The following MAP4K4 variants were observed in gnomAD, a reference collection of about 807,000 sequenced individuals.
MAP4K4 encodes the protein HPK/GCK-like kinase HGK.
MAP4K4 carries 38 observed loss-of-function variants against 189.6 expected under a neutral mutation model. The ratio of observed to expected loss-of-function variants is 0.20; its 90% confidence interval spans 0.15 to 0.26. MAP4K4 has a LOEUF of 0.26. Among genes scored for constraint, MAP4K4 ranks in the 10% least tolerant of loss-of-function variants. The pLI, the probability that MAP4K4 is intolerant of heterozygous loss-of-function variation, is 1.00. For synonymous variants in MAP4K4, 610 were observed against 624.3 expected (o/e 0.98, Z 0.34); for missense variants, 1,054 against 1,726.9 (o/e 0.61, Z 6.91).
chr2:101,831,366 T>A (rs952248368), intron 6 of MAP4K4, among the ~76,000 whole-genome samples: 3 of 152,242 alleles, frequency 2.0e-5, no homozygotes, highest in Non-Finnish European at 4.4e-5. Context: ...TCAGTTCTCC[T>A]GAACCTGGGG....
intron 2 of MAP4K4, among the ~76,000 whole-genome samples, chr2:101,719,840 C>T (rs990339015): frequency 7.9e-5 from 12 of 151,894 alleles, no homozygotes; most frequent in South Asian, 2.1e-4. Flanking sequence ...GGTGAAACCC[C>T]GTCTCTACTA....
chr2:101,790,320 T>C (rs965002201), intron 2 of MAP4K4, among the ~76,000 whole-genome samples: 3 of 151,964 alleles, frequency 2.0e-5, no homozygotes, highest in African/African-American at 7.2e-5. Flanking sequence ...CCAACATGAT[T>C]TGTAGAAAAA....
At chr2:101,882,492 AT>A (rs761588289) in intron 27 of MAP4K4, 58 bp from the exon 28 acceptor site, 15 of 1,325,884 alleles carry the variant, frequency 1.1e-5, no homozygotes, top group Non-Finnish European at 1.5e-5. Context: ...TACTATTGTT[AT>A]TAATGATGAG....
intron 16 of MAP4K4, 79 bp downstream of exon 16, chr2:101,861,065 A>G: frequency 1.5e-6 from 2 of 1,341,726 alleles, no homozygotes; most frequent in Non-Finnish European, 2.0e-6. Context: ...GTAATATCAC[A>G]GTTTAGTTTG....
At chr2:101,847,854 C>T (rs141434994) in intron 12 of MAP4K4, among the ~76,000 whole-genome samples, 4 of 152,310 alleles carry the variant, frequency 2.6e-5, no homozygotes, top group African/African-American at 7.2e-5. Flanking sequence ...CACTCACTGA[C>T]TCACCCAGAG....
intron 4 of MAP4K4, 79 bp downstream of exon 4, chr2:101,824,132 G>GGGGGGGGA: frequency 1.8e-5 from 1 of 56,768 alleles, no homozygotes. Flanking sequence ...GGGGGCGGGG[G>GGGGGGGGA]AAAGAGGGGG....
chr2:101,743,304 G>T (rs534182698), intron 2 of MAP4K4, among the ~76,000 whole-genome samples: 5 of 152,178 alleles, frequency 3.3e-5, no homozygotes, highest in Admixed American at 2.6e-4. Flanking sequence ...TTTACATTTG[G>T]TAAGCAATAT....
chr2:101,764,086 C>T (rs1055723781), intron 2 of MAP4K4, among the ~76,000 whole-genome samples: 27 of 151,802 alleles, frequency 1.8e-4, no homozygotes, highest in Non-Finnish European at 7.4e-5. Flanking sequence ...TTGGTGTTCC[C>T]TAAGGAGGGT....
chr2:101,867,946 T>G (rs2097863164), intron 20 of MAP4K4, 83 bp from the exon 21 acceptor site: 8 of 1,384,592 alleles, frequency 5.8e-6, no homozygotes, highest in Non-Finnish European at 8.2e-6. Context: ...CCCTCTCCCC[T>G]TCTTTCTCCC....
In MAP4K4 at chr2:101,698,170, C is replaced by CA. The variant is rs774723421; in HGVS notation, c.57+33_57+34insA. 23 of 1,077,114 alleles carry CA rather than the reference C, an allele frequency of 2.1e-5. No homozygotes were observed. In the East Asian group the frequency reaches 1.7e-3, roughly 80 times the overall value. The allele number at this position is 1,077,114 out of a possible 1,614,324, so 66.7% of individuals were successfully genotyped here. On this transcript the variant is annotated intron_variant, in intron 1 of 32. Coordinates refer to ENST00000324219, the Ensembl canonical transcript of MAP4K4. ...GGCCCGCGAGCGGGCGCGCGGGGAG[C>CA]GGGCAGCCGGCAGCCGGCAGCCGGG...
At chr2:101,884,690 C>A (rs903568729) in intron 28 of MAP4K4, among the ~76,000 whole-genome samples, 9 of 152,142 alleles carry the variant, frequency 5.9e-5, no homozygotes, top group Non-Finnish European at 8.8e-5. Context: ...CTTAGTGATA[C>A]TTGGACTTGT....
At chr2:101,854,232 G>A (rs1379773726) in intron 12 of MAP4K4, among the ~76,000 whole-genome samples, 1 of 152,170 alleles carries the variant, frequency 6.6e-6, no homozygotes, top group Non-Finnish European at 1.5e-5. Flanking sequence ...TAGATTATTT[G>A]TGATAGGTCC....
intron 3 of MAP4K4, 29 bp downstream of exon 3, chr2:101,790,805 T>C: frequency 6.5e-7 from 1 of 1,541,934 alleles, no homozygotes. Flanking sequence ...CATTTTTAAA[T>C]AATGTTAGAT....
intron 2 of MAP4K4, among the ~76,000 whole-genome samples, chr2:101,756,729 A>ATTTTT (rs34314872): frequency 8.0e-6 from 1 of 125,040 alleles, no homozygotes; most frequent in Non-Finnish European, 1.7e-5. Flanking sequence ...TAATTTTTGT[A>ATTTTT]TTTTTTTTTT....
chr2:101,747,363 C>A (rs2066183609), intron 2 of MAP4K4, among the ~76,000 whole-genome samples: 1 of 152,084 alleles, frequency 6.6e-6, no homozygotes, highest in Admixed American at 6.6e-5. Context: ...AGGTGGTAGG[C>A]CCGCCTAGGC....
At chr2:101,824,828 A>G (rs1158153664) in intron 4 of MAP4K4, among the ~76,000 whole-genome samples, 2 of 152,212 alleles carry the variant, frequency 1.3e-5, no homozygotes, top group East Asian at 1.9e-4. Flanking sequence ...AAACTTTTAG[A>G]TACTGTAAAT....
At chr2:101,839,318 ACAAAT>A (rs2096853524) in intron 9 of MAP4K4, among the ~76,000 whole-genome samples, 1 of 152,216 alleles carries the variant, frequency 6.6e-6, no homozygotes, top group Non-Finnish European at 1.5e-5. Context: ...GAGGGAACTG[ACAAAT>A]CAACCAGTTT....
intron 28 of MAP4K4, among the ~76,000 whole-genome samples, chr2:101,883,772 C>T (rs2098443228): frequency 6.6e-6 from 1 of 151,944 alleles, no homozygotes; most frequent in South Asian, 2.1e-4. Flanking sequence ...TGTTGTCATG[C>T]TTGGCATTGT....
intron 2 of MAP4K4, among the ~76,000 whole-genome samples, chr2:101,737,447 ATATATATATATATATTTT>A (rs1558651459): frequency 3.0e-5 from 1 of 33,504 alleles, no homozygotes; most frequent in African/African-American, 1.9e-4. Flanking sequence ...ATATATATAT[ATATATATATATATATTTT>A]TTTTTTTTTT....
Sources: allele counts gnomAD v4.1 joint callset (sites outside exome capture counted in the v4.1 genomes callset), GRCh38; gene constraint gnomAD v4.1.1; transcripts MANE v1.5; gene names NCBI Gene and HGNC (gene_info 2026-07-23, HGNC 2026-07-21).